RAP1GAP: variants seen among roughly 807,000 people sequenced by gnomAD.
The protein encoded by RAP1GAP is rap1 GTPase-activating protein 1.
RAP1GAP carries 35 observed loss-of-function variants against 87.2 expected under a neutral mutation model. The observed-to-expected ratio is 0.40, with a 90% CI of 0.31 to 0.53. The LOEUF (loss-of-function observed/expected upper bound fraction) is 0.53. RAP1GAP is among the 20% of genes least tolerant of loss of function. The probability of loss-of-function intolerance (pLI) is 0.48; values close to 1 mark genes in which losing one functional copy is unlikely to be tolerated. For synonymous variants in RAP1GAP, 375 were observed against 363.9 expected (o/e 1.03, Z -0.35); for missense variants, 734 against 898.9 (o/e 0.82, Z 2.35).
At chr1:21,617,560 A>G (rs914088296) in intron 6 of RAP1GAP, 69 bp from the exon 7 acceptor site, 17 of 1,494,168 alleles carry the variant, frequency 1.1e-5, no homozygotes, top group Non-Finnish European at 1.4e-5. Context: ...CACCCTCCCA[A>G]CTCAGACCTG....
At chr1:21,611,036 C>T (rs575813122) in intron 13 of RAP1GAP, among the ~76,000 whole-genome samples, 7 of 152,170 alleles carry the variant, frequency 4.6e-5, no homozygotes, top group Non-Finnish European at 5.9e-5. Context: ...CCACCTGGAA[C>T]ATTTCCCTTC....
chr1:21,604,677 AC>A (rs2072469907), intron 18 of RAP1GAP, among the ~76,000 whole-genome samples: 1 of 151,914 alleles, frequency 6.6e-6, no homozygotes. Context: ...GTGCTTGGTG[AC>A]TGCTGGACAG....
chr1:21,655,610 C>T (rs1441324482), intron 1 of RAP1GAP, among the ~76,000 whole-genome samples: 2 of 150,856 alleles, frequency 1.3e-5, no homozygotes, highest in Non-Finnish European at 3.0e-5. Flanking sequence ...TCTTCCTTGG[C>T]CTCCAGCCTC....
At chr1:21,600,272 C>T (rs2067058693) in intron 20 of RAP1GAP, among the ~76,000 whole-genome samples, 1 of 152,242 alleles carries the variant, frequency 6.6e-6, no homozygotes, top group Non-Finnish European at 1.5e-5. Context: ...TTCCCTGATT[C>T]CTCCTCCCAA....
chr1:21,661,685 C>T (rs2097159704), intron 1 of RAP1GAP, among the ~76,000 whole-genome samples: 1 of 152,232 alleles, frequency 6.6e-6, no homozygotes. Flanking sequence ...AAACTGCTCA[C>T]CCCTGGCACA....
rs558098626 is a variant in RAP1GAP at position 21,633,410 on chromosome 1, TCTC to T, written c.-112-7016_-112-7014del. On this transcript the variant is annotated intron_variant, in intron 2 of 24. Transcript: ENST00000374765. ...CACCCCCCCTCTGCTGGGGGTGCCT[TCTC>T]CTGCTTTTCTGCCTAGTGAACCATT... 2.9e-3 allele frequency among the ~76,000 whole-genome samples: 449 copies of T among 152,242 alleles called. 1 individual carries two copies. Among genetic ancestry groups the T allele is most frequent in the African/African-American group, 0.01 (423 of 41,532 alleles).
chr1:21,597,783 C>G lies in RAP1GAP; in HGVS notation c.1984-55G>C, dbSNP rs1027889854. ...TGGCAAGACGGGAGAAGCAACGGGG[C>G]GGGAGACACAGGTGCACAAAGTCAC... On this transcript the variant is annotated intron_variant, in intron 23 of 24. Transcript: ENST00000374765. The G allele has an allele frequency of 1.4e-5, 22 of 1,599,070 alleles. No individual in the cohort carries two copies. In the South Asian group the frequency reaches 2.5e-4, roughly 18 times the overall value.
At chr1:21,598,526 A>C in intron 21 of RAP1GAP, 24 bp from the exon 22 acceptor site, 1 of 1,584,976 alleles carries the variant, frequency 6.3e-7, no homozygotes, top group Non-Finnish European at 8.7e-7. Context: ...GGAAAGAGGG[A>C]GGGAGGTTAG....
At chr1:21,650,945 C>A (rs373412903) in intron 1 of RAP1GAP, among the ~76,000 whole-genome samples, 3 of 152,146 alleles carry the variant, frequency 2.0e-5, no homozygotes, top group Non-Finnish European at 4.4e-5. Context: ...CAAGCCCCAG[C>A]GCTCCACACC....
Position 21,613,062 on chromosome 1 carries a change from G to A in RAP1GAP, c.528+114C>T, listed in dbSNP as rs768549600. ...GTGGACTTCACAGGGTTATTGTGAG[G>A]ATTAAATGAGAGAACCTTGGGAAAG... On this transcript the variant is annotated intron_variant, in intron 10 of 24. Transcript: ENST00000374765. The surrounding 1 kb of genome is among the most constrained non-coding windows in gnomAD (Gnocchi z 4.7). The A allele has an allele frequency of 1.9e-5, 22 of 1,166,842 alleles. No individual in the cohort carries two copies. Among genetic ancestry groups the A allele is most frequent in the Non-Finnish European group, 2.5e-5 (20 of 791,430 alleles). The allele number at this position is 1,166,842 out of a possible 1,614,324, so 72.3% of individuals were successfully genotyped here. A position where few individuals can be genotyped will look rare whatever the true frequency, so the allele number is the denominator to read the frequency against.
intron 1 of RAP1GAP, chr1:21,653,145 A>G (rs566356444): frequency 6.6e-6 from 1 of 152,202 alleles, no homozygotes; most frequent in East Asian, 1.9e-4. Flanking sequence ...TAGGCAGGGT[A>G]AGTGGCGCTG....
At chr1:21,644,900 CAAAA>C (rs34783815) in intron 2 of RAP1GAP, among the ~76,000 whole-genome samples, 12 of 114,540 alleles carry the variant, frequency 1.0e-4, no homozygotes, top group Non-Finnish European at 1.2e-4. Context: ...GACCCTGTCT[CAAAA>C]AAAAAAAAAA....
chr1:21,644,703 G>C (rs2095854450), intron 2 of RAP1GAP, among the ~76,000 whole-genome samples: 1 of 152,018 alleles, frequency 6.6e-6, no homozygotes, highest in African/African-American at 2.4e-5. Flanking sequence ...CTCGAAACCA[G>C]CCTGGCCAAG....
At position 21,598,271 on chromosome 1, in the gene RAP1GAP, C is replaced by G. The variant is rs1042058576; in HGVS notation, c.1879+129G>C. Reference sequence around the variant, plus strand: ...ACCCTAGGCTGGACAATGACCTGCCCGCTGTCCTCCAAGTCAGGGGCAGTC... The same window carrying G: ...ACCCTAGGCTGGACAATGACCTGCCGGCTGTCCTCCAAGTCAGGGGCAGTC... On this transcript the variant is annotated intron_variant, in intron 22 of 24. Transcript: ENST00000374765. 6 of 919,786 alleles carry G rather than the reference C, an allele frequency of 6.5e-6. No homozygotes were observed. The Admixed American group carries it at 1.3e-4, about 21-fold the overall frequency. 57.0% of individuals were successfully genotyped at this position (919,786 alleles called of 1,614,324 possible). A position where few individuals can be genotyped will look rare whatever the true frequency, so the allele number is the denominator to read the frequency against.
rs766870247 is a variant in RAP1GAP, at chr1:21,617,385, G to A, written c.212C>T (p.Pro71Leu). ...HEITSIPETEPLQSPTTKVKL... is the reference protein window; with the variant it reads ...HEITSIPETELLQSPTTKVKL... ...CACCTTGGTTGTGGGCGACTGCAGT[G>A]GCTCTGTCTCGGGGATGCTGGTGAT... is the stretch of plus-strand genomic sequence containing the variant. Residue 71 changes from proline to leucine, a missense_variant, in exon 7 of 25, where the codon CCA becomes CTA. Transcript: ENST00000374765. 44 of 1,602,950 alleles carry A rather than the reference G, an allele frequency of 2.7e-5. 1 individual carries two copies. In the South Asian group the frequency reaches 4.7e-4, roughly 17 times the overall value.
In RAP1GAP at chr1:21,634,807, C is replaced by T. The variant is rs776788341; in HGVS notation, c.-112-8410G>A. On this transcript the variant is annotated intron_variant, in intron 2 of 24. Transcript: ENST00000374765. The surrounding 1 kb of genome is among the most constrained non-coding windows in gnomAD (Gnocchi z 4.1). ...GTCTCCCTTGCTCAGGTGGCCTGAG[C>T]CCCACTGTGGCCAAAACCTGACCCT... 4.6e-6 allele frequency: 2 copies of T among 433,336 alleles called. No individual in the cohort carries two copies. The highest frequency in any genetic ancestry group is 4.8e-6 in the Non-Finnish European group (1 of 210,110). The allele number at this position is 433,336 out of a possible 1,614,324, so 26.8% of individuals were successfully genotyped here. A position where few individuals can be genotyped will look rare whatever the true frequency, so the allele number is the denominator to read the frequency against.
In RAP1GAP at chr1:21,647,643, C is replaced by G. The variant is rs2151802899; in HGVS notation, c.-113+2118G>C. On this transcript the variant is annotated intron_variant, in intron 2 of 24. Coordinates refer to ENST00000374765, the MANE Select transcript of RAP1GAP (RefSeq NM_002885.4). ...GAGAGGGAAAATGACTTGCCAAAGTCACACAACTAGAATGTGGCAGAGGCA... is the reference window on the plus strand; with the variant it reads ...GAGAGGGAAAATGACTTGCCAAAGTGACACAACTAGAATGTGGCAGAGGCA... 2.6e-5 allele frequency among the ~76,000 whole-genome samples: 4 copies of G among 152,228 alleles called. No homozygotes were observed. The South Asian group carries it at 8.3e-4, about 32-fold the overall frequency.
intron 21 of RAP1GAP, among the ~76,000 whole-genome samples, chr1:21,598,954 A>G (rs1485864770): frequency 1.3e-5 from 2 of 152,260 alleles, no homozygotes; most frequent in East Asian, 3.9e-4. Context: ...TGGTTTGCAG[A>G]ATGAAGAATG....
intron 7 of RAP1GAP, among the ~76,000 whole-genome samples, chr1:21,614,575 G>A (rs915128600): frequency 6.6e-6 from 1 of 152,232 alleles, no homozygotes; most frequent in Non-Finnish European, 1.5e-5. Flanking sequence ...GGGCCCATGA[G>A]AAACAGGAAG....
Sources: allele counts gnomAD v4.1 joint callset (sites outside exome capture counted in the v4.1 genomes callset), GRCh38; gene constraint gnomAD v4.1.1; non-coding constraint Gnocchi (gnomAD v3.1); transcripts MANE v1.5; gene names NCBI Gene and HGNC (gene_info 2026-07-23, HGNC 2026-07-21).